The following EXOC6B variants were observed in gnomAD, a reference collection of about 807,000 sequenced individuals.
The protein encoded by EXOC6B is exocyst complex component 6B, also known as SEC15 homolog B.
Under a neutral mutation model 113.5 loss-of-function variants are expected in EXOC6B, and 54 were observed. That is an observed-to-expected ratio of 0.48 (90% CI 0.38 to 0.60). The LOEUF is 0.60. Among genes scored for constraint, EXOC6B ranks in the 20% least tolerant of loss-of-function variants. The pLI is 0.00. For missense variants in EXOC6B, 797 were observed against 977.5 expected, an observed-to-expected ratio of 0.82 and a Z score of 2.46; for synonymous variants, 357 against 339.0, an observed-to-expected ratio of 1.05 and a Z score of -0.58.
At chr2:72,477,203 A>G (rs954850251) in intron 17 of EXOC6B, among the ~76,000 whole-genome samples, 2 of 152,196 alleles carry the variant, frequency 1.3e-5, no homozygotes, top group African/African-American at 4.8e-5. Flanking sequence ...TAATACCTCT[A>G]TATAGCTATG....
chr2:72,751,178 C>T (rs970035355), intron 1 of EXOC6B, among the ~76,000 whole-genome samples: 2 of 152,062 alleles, frequency 1.3e-5, no homozygotes, highest in Non-Finnish European at 2.9e-5. Context: ...TCAGGAGGTC[C>T]TGATGACATG....
intron 8 of EXOC6B, among the ~76,000 whole-genome samples, chr2:72,536,544 T>G (rs533649649): frequency 6.6e-6 from 1 of 152,210 alleles, no homozygotes; most frequent in Non-Finnish European, 1.5e-5. Context: ...TAGATGTACA[T>G]ATTTTTGGGG....
At chr2:72,227,289 G>C (rs1189099045) in intron 20 of EXOC6B, among the ~76,000 whole-genome samples, 1 of 152,066 alleles carries the variant, frequency 6.6e-6, no homozygotes, top group Non-Finnish European at 1.5e-5. Flanking sequence ...CACATACTGA[G>C]CAAGTACTGA....
intron 8 of EXOC6B, among the ~76,000 whole-genome samples, chr2:72,554,303 T>C (rs1703410730): frequency 1.3e-5 from 2 of 152,184 alleles, no homozygotes; most frequent in South Asian, 4.1e-4. Context: ...CAGAGAACTT[T>C]CAATGGAAAT....
chr2:72,670,684 T>C lies in EXOC6B; in HGVS notation c.669+47419A>G, dbSNP rs536695574. Among the ~76,000 whole-genome samples the C allele has an allele frequency of 8.8e-4, 134 of 152,326 alleles. 1 individual carries two copies. Among genetic ancestry groups the C allele is most frequent in the African/African-American group, 3.1e-3 (128 of 41,576 alleles). ...CTTTCTTTTCAGGAAATTGCTCTAC[T>C]TCTCACAGTGAAAACTTTCTTTATT... On this transcript the variant is annotated intron_variant, in intron 6 of 21. Transcript: ENST00000272427.
chr2:72,287,704 C>T (rs1400129083), intron 20 of EXOC6B, among the ~76,000 whole-genome samples: 6 of 151,846 alleles, frequency 4.0e-5, no homozygotes, highest in African/African-American at 1.4e-4. Flanking sequence ...TTAGATGAAA[C>T]AGGAAAATTC....
chr2:72,210,449 TG>T (rs1055275586), intron 20 of EXOC6B, among the ~76,000 whole-genome samples: 3 of 152,214 alleles, frequency 2.0e-5, no homozygotes, highest in Non-Finnish European at 2.9e-5. Context: ...AATAATATTT[TG>T]TTCATACTGG....
At chr2:72,454,659 G>C (rs993996082) in intron 18 of EXOC6B, among the ~76,000 whole-genome samples, 13 of 152,080 alleles carry the variant, frequency 8.5e-5, no homozygotes, top group African/African-American at 2.9e-4. Flanking sequence ...GCTCTATTTG[G>C]AACCAAACAT....
At chr2:72,230,515 C>T (rs1681552074) in intron 20 of EXOC6B, among the ~76,000 whole-genome samples, 1 of 152,086 alleles carries the variant, frequency 6.6e-6, no homozygotes, top group South Asian at 2.1e-4. Context: ...ACATGAGATG[C>T]CAGCAGTGAG....
At chr2:72,272,994 C>T (rs1283667305) in intron 20 of EXOC6B, among the ~76,000 whole-genome samples, 2 of 152,164 alleles carry the variant, frequency 1.3e-5, no homozygotes, top group East Asian at 1.9e-4. Flanking sequence ...AGACTCTGCT[C>T]TCCCAGTTAC....
chr2:72,484,985 T>C (rs1049145758), intron 16 of EXOC6B, among the ~76,000 whole-genome samples: 1 of 152,202 alleles, frequency 6.6e-6, no homozygotes, highest in Non-Finnish European at 1.5e-5. Context: ...ATATACCCAG[T>C]AATGGGATTG....
Position 72,245,908 on chromosome 2 carries a change from T to A in EXOC6B, c.2197-61721A>T, listed in dbSNP as rs538613374. ...TCTCTTACACTGATTCTTTCTGTAG[T>A]TAGAATGATTTAAAAAACAAAAATC... On this transcript the variant is annotated intron_variant, in intron 20 of 21. Coordinates refer to ENST00000272427, the MANE Select transcript of EXOC6B (RefSeq NM_015189.3). Among the ~76,000 whole-genome samples, 4 of 152,322 alleles carry A rather than the reference T, an allele frequency of 2.6e-5. No individual in the cohort carries two copies. In the South Asian group the frequency reaches 6.2e-4, roughly 24 times the overall value.
At chr2:72,423,531 A>G (rs1695030026) in intron 18 of EXOC6B, among the ~76,000 whole-genome samples, 1 of 152,224 alleles carries the variant, frequency 6.6e-6, no homozygotes, top group South Asian at 2.1e-4. Context: ...GTTTCATGGT[A>G]TTCTAGATAT....
chr2:72,798,219 A>G lies in EXOC6B; in HGVS notation c.113+27579T>C, dbSNP rs545836454. ...TGGCCATTTTCCATTCTGAAGATTT[A>G]CCTCTTGCAAAAGACAAACATAAAA... On this transcript the variant is annotated intron_variant, in intron 1 of 21. Transcript: ENST00000272427. Among the ~76,000 whole-genome samples, 4 of 152,316 alleles carry G rather than the reference A, an allele frequency of 2.6e-5. No individual in the cohort carries two copies. In the South Asian group the frequency reaches 8.3e-4, roughly 32 times the overall value.
At chr2:72,673,771 AT>A (rs1341023065) in intron 6 of EXOC6B, among the ~76,000 whole-genome samples, 1 of 147,966 alleles carries the variant, frequency 6.8e-6, no homozygotes, top group Non-Finnish European at 1.5e-5. Context: ...TTTTTATTTT[AT>A]TTTTTTATTT....
At chr2:72,615,392 C>T (rs909452489) in intron 6 of EXOC6B, among the ~76,000 whole-genome samples, 5 of 151,838 alleles carry the variant, frequency 3.3e-5, no homozygotes, top group Admixed American at 1.3e-4. Flanking sequence ...AAATTTTAGA[C>T]GAATTAAAAT....
chr2:72,355,110 T>A (rs1424361336), intron 19 of EXOC6B, among the ~76,000 whole-genome samples: 1 of 152,088 alleles, frequency 6.6e-6, no homozygotes, highest in Non-Finnish European at 1.5e-5. Context: ...TGCACTTGAG[T>A]TTTCGGTATA....
intron 8 of EXOC6B, among the ~76,000 whole-genome samples, chr2:72,529,724 A>G (rs1701901672): frequency 6.6e-6 from 1 of 152,104 alleles, no homozygotes; most frequent in East Asian, 1.9e-4. Flanking sequence ...CGGCCTCCCA[A>G]AGTTCTGGGA....
At chr2:72,322,786 T>C (rs1422771413) in intron 20 of EXOC6B, among the ~76,000 whole-genome samples, 1 of 152,090 alleles carries the variant, frequency 6.6e-6, no homozygotes, top group Admixed American at 6.6e-5. Flanking sequence ...TGGCTAGCAA[T>C]ATGCAGAAAA....
Sources: gnomAD v4.1 joint callset for allele counts (sites outside exome capture counted in the v4.1 genomes callset) on GRCh38, gnomAD v4.1.1 for gene constraint, MANE v1.5 for transcripts, NCBI Gene and HGNC (gene_info 2026-07-23, HGNC 2026-07-21) for gene names.